Variants in ADGRA2 observed in about 807,000 individuals in gnomAD.
ADGRA2 encodes adhesion G protein-coupled receptor A2, also known as G-protein coupled receptor 124.
ADGRA2 carries 61 observed loss-of-function variants against 98.7 expected under a neutral mutation model. The observed-to-expected ratio is 0.62, with a 90% CI of 0.50 to 0.76. The LOEUF (loss-of-function observed/expected upper bound fraction) is 0.76, where lower values mean the gene tolerates loss of function less well. Among genes scored for constraint, ADGRA2 ranks in the 30% least tolerant of loss-of-function variants. The pLI is 0.00. For synonymous variants in ADGRA2, 858 were observed against 831.5 expected (o/e 1.03, Z -0.55); for missense variants, 1,712 against 1,860.0 (o/e 0.92, Z 1.46).
chr8:37,829,483 T>C lies in ADGRA2; in HGVS notation c.483-5T>C. ...CCCATCTCAGTTGTCCCCTGTTCCC[T>C]GCAGAAACATATCTGGAAACATCTT... On this transcript the variant is annotated splice_polypyrimidine_tract_variant and splice_region_variant and intron_variant, in intron 4 of 18. Coordinates refer to ENST00000412232, the MANE Select transcript of ADGRA2 (RefSeq NM_032777.10). 1 of 1,611,704 alleles carries C rather than the reference T, an allele frequency of 6.2e-7. No individual in the cohort carries two copies. Among genetic ancestry groups the C allele is most frequent in the Non-Finnish European group, 8.5e-7 (1 of 1,177,772 alleles).
intron 2 of ADGRA2, among the ~76,000 whole-genome samples, chr8:37,816,593 A>AACACACACACACAC (rs545433349): frequency 3.0e-5 from 4 of 131,292 alleles, no homozygotes; most frequent in African/African-American, 8.8e-5. Context: ...CTCCGTCTCA[A>AACACACACACACAC]ACACACACAC....
chr8:37,837,623 C>A, intron 13 of ADGRA2, 108 bp from the exon 14 acceptor site: 1 of 900,298 alleles, frequency 1.1e-6, no homozygotes, highest in Non-Finnish European at 1.8e-6. Flanking sequence ...CCCTGCCTGG[C>A]AGGTGCCTAG....
intron 1 of ADGRA2, among the ~76,000 whole-genome samples, chr8:37,810,188 TAC>T (rs967827103): frequency 1.4e-4 from 21 of 151,748 alleles, no homozygotes; most frequent in Non-Finnish European, 2.5e-4. Context: ...TATATATATA[TAC>T]ACACACACAC....
intron 2 of ADGRA2, among the ~76,000 whole-genome samples, chr8:37,824,087 A>C (rs1255327608): frequency 6.6e-6 from 1 of 151,696 alleles, no homozygotes; most frequent in Non-Finnish European, 1.5e-5. Context: ...GCTGGAGTGC[A>C]ATGGCATGGT....
At chr8:37,801,134 A>G (rs1804490325) in intron 1 of ADGRA2, among the ~76,000 whole-genome samples, 1 of 152,188 alleles carries the variant, frequency 6.6e-6, no homozygotes, top group Admixed American at 6.5e-5. Flanking sequence ...ACCGCATGGA[A>G]AGCCCTCCCG....
Position 37,841,313 on chromosome 8 carries a change from T to G in ADGRA2, c.2975T>G (p.Leu992Arg). The change falls in exon 19 of 19, where the codon CTT (leucine) becomes CGT (arginine). Residue 992 changes from leucine to arginine, a missense_variant. Leu to Arg is a moderately radical substitution (Grantham distance 102). Transcript: ENST00000412232. This position sits in a 1 kb window ranked among gnomAD's most constrained non-coding sequence, Gnocchi z 5.0. ...CCCCTCCTGAGTGACTCAGGTTCCC[T>G]TCTTGCTACTGGGAGCGCGCGAGTG... ...SGPLLSDSGS[L>R]LATGSARVGT... 6.2e-7 allele frequency: 1 copy of G among 1,608,268 alleles called. No homozygotes were observed. Among genetic ancestry groups the G allele is most frequent in the Non-Finnish European group, 8.5e-7 (1 of 1,177,346 alleles).
chr8:37,817,950 A>G (rs1408337539), intron 2 of ADGRA2, among the ~76,000 whole-genome samples: 2 of 152,162 alleles, frequency 1.3e-5, no homozygotes, highest in East Asian at 1.9e-4. Context: ...CCCGGGAGGC[A>G]TAGGTTGCAG....
intron 1 of ADGRA2, among the ~76,000 whole-genome samples, chr8:37,803,416 G>A (rs562381435): frequency 6.6e-6 from 1 of 152,322 alleles, no homozygotes; most frequent in South Asian, 2.1e-4. Context: ...GCGGGGAGAG[G>A]AGGGAAATGG....
intron 1 of ADGRA2, among the ~76,000 whole-genome samples, chr8:37,808,741 T>C (rs1804747026): frequency 6.6e-6 from 1 of 152,162 alleles, no homozygotes; most frequent in African/African-American, 2.4e-5. Context: ...TTCTTTAGTT[T>C]AGAAGTTCAA....
At chr8:37,824,362 T>C (rs1245681218) in intron 2 of ADGRA2, among the ~76,000 whole-genome samples, 3 of 151,590 alleles carry the variant, frequency 2.0e-5, no homozygotes, top group South Asian at 2.1e-4. Context: ...ATTTGTCTTT[T>C]TGCTATTGAG....
At chr8:37,812,552 G>A (rs781398359) in intron 1 of ADGRA2, among the ~76,000 whole-genome samples, 51 of 152,234 alleles carry the variant, frequency 3.4e-4, no homozygotes, top group Admixed American at 6.5e-4. Flanking sequence ...GCGTGAGCCC[G>A]GGAGGCAGAG....
At chr8:37,829,457 C>G (rs757874263) in intron 4 of ADGRA2, 31 bp from the exon 5 acceptor site, 4 of 1,584,514 alleles carry the variant, frequency 2.5e-6, no homozygotes, top group Non-Finnish European at 3.5e-6. Flanking sequence ...CACCCTAAGA[C>G]CCCATCTCAG....
intron 17 of ADGRA2, 127 bp from the exon 18 acceptor site, chr8:37,840,633 C>CA (rs1019966081): frequency 2.2e-5 from 15 of 678,958 alleles, no homozygotes; most frequent in African/African-American, 1.9e-4. Context: ...GCATCCCTGG[C>CA]AAAAAATTCT....
intron 1 of ADGRA2, among the ~76,000 whole-genome samples, chr8:37,804,831 C>A (rs918562917): frequency 6.6e-6 from 1 of 152,226 alleles, no homozygotes; most frequent in Non-Finnish European, 1.5e-5. Flanking sequence ...AAAAGGGGCT[C>A]CCCCGACCCC....
Position 37,830,610 on chromosome 8 carries a change from G to GCCGCCCC in ADGRA2, c.719-98_719-97insGCCCCCC. On this transcript the variant is annotated intron_variant, in intron 6 of 18. Coordinates refer to ENST00000412232, the MANE Select transcript of ADGRA2 (RefSeq NM_032777.10). This position sits in a 1 kb window ranked among gnomAD's most constrained non-coding sequence, Gnocchi z 4.8. ...AGCTGGAGCAGGCTGCAGGCCGAGGGCCCCGCCCCGCCCCACCCCATCCTG... is the reference window on the plus strand; with the variant it reads ...AGCTGGAGCAGGCTGCAGGCCGAGGGCCGCCCCCCCCGCCCCGCCCCACCCCATCCTG... The GCCGCCCC allele has an allele frequency of 3.4e-6, 2 of 579,886 alleles. No homozygotes were observed. The highest frequency in any genetic ancestry group is 6.3e-6 in the Non-Finnish European group (2 of 315,942). 35.9% of individuals were successfully genotyped at this position (579,886 alleles called of 1,614,324 possible).
intron 2 of ADGRA2, among the ~76,000 whole-genome samples, chr8:37,822,064 T>G (rs1805142522): frequency 6.6e-6 from 1 of 152,162 alleles, no homozygotes; most frequent in African/African-American, 2.4e-5. Flanking sequence ...CCCTCTTGTT[T>G]GCCATGGTAG....
intron 14 of ADGRA2, among the ~76,000 whole-genome samples, chr8:37,838,496 G>T (rs913055139): frequency 1.3e-5 from 2 of 151,782 alleles, no homozygotes; most frequent in Non-Finnish European, 2.9e-5. Context: ...CAAATGATCC[G>T]CCCGCCTCAG....
At chr8:37,803,053 G>C (rs969372949) in intron 1 of ADGRA2, among the ~76,000 whole-genome samples, 3 of 152,176 alleles carry the variant, frequency 2.0e-5, no homozygotes, top group African/African-American at 7.2e-5. Context: ...CCTCGTCCTG[G>C]GGGGAGTGTG....
At position 37,841,628 on chromosome 8, in the gene ADGRA2, G is replaced by T. The variant is rs1253981709; in HGVS notation, c.3290G>T (p.Arg1097Leu). Residue 1097 changes from arginine (R) to leucine (L), a missense_variant, in exon 19 of 19, where the codon CGG (arginine) becomes CTG (leucine). Arg to Leu is a moderately radical substitution (Grantham distance 102, BLOSUM62 -2). Transcript: ENST00000412232. The surrounding 1 kb of genome is among the most constrained non-coding windows in gnomAD (Gnocchi z 5.0). ...ASPAAPHAPP[R>L]ALPAAAEDGS... ...CCCGCGGCCCCCCATGCCCCGCCCC[G>T]GGCCCTGCCCGCCGCCGCAGAGGAC... 3 of 1,533,386 alleles carry T rather than the reference G, an allele frequency of 2.0e-6. No individual in the cohort carries two copies. The highest frequency in any genetic ancestry group is 1.2e-5 in the South Asian group (1 of 80,896). 95.0% of individuals were successfully genotyped at this position (1,533,386 alleles called of 1,614,324 possible). A position where few individuals can be genotyped will look rare whatever the true frequency, so the allele number is the denominator to read the frequency against.
Sources: gnomAD v4.1 joint callset for allele counts (sites outside exome capture counted in the v4.1 genomes callset) on GRCh38, gnomAD v4.1.1 for gene constraint, Gnocchi (gnomAD v3.1) non-coding constraint, MANE v1.5 for transcripts, NCBI Gene and HGNC (gene_info 2026-07-23, HGNC 2026-07-21) for gene names.